EIF3A: variants seen among roughly 807,000 people sequenced by gnomAD.
EIF3A encodes EIF3, p180 subunit.
EIF3A carries 21 observed loss-of-function variants against 186.6 expected under a neutral mutation model. The ratio of observed to expected loss-of-function variants is 0.11; its 90% CI spans 0.08 to 0.16. The LOEUF (loss-of-function observed/expected upper bound fraction) is 0.16. EIF3A is among the 10% of genes least tolerant of loss of function. The pLI is 1.00. For missense variants in EIF3A, 1,306 were observed against 1,796.3 expected (o/e 0.73, Z 4.93); for synonymous variants, 563 against 584.3 (o/e 0.96, Z 0.52).
intron 1 of EIF3A, 66 bp downstream of exon 1, chr10:119,080,562 G>T (rs1374823772): frequency 6.6e-7 from 1 of 1,522,678 alleles, no homozygotes; most frequent in Non-Finnish European, 8.8e-7. Context: ...TGGGAAGCAG[G>T]CCCGCGCTCT....
At chr10:119,079,258 A>C (rs1844224360) in intron 1 of EIF3A, among the ~76,000 whole-genome samples, 1 of 152,126 alleles carries the variant, frequency 6.6e-6, no homozygotes, top group Non-Finnish European at 1.5e-5. Context: ...TAAAACAATT[A>C]CTCCATTCCA....
chr10:119,065,418 A>G lies in EIF3A; in HGVS notation c.1103T>C (p.Ile368Thr), dbSNP rs372394395. Residue 368 changes from isoleucine to threonine, a missense_variant, in exon 7 of 22, where the codon ATT becomes ACT. Around this residue, in one of 8 missense-constraint regions of EIF3A, gnomAD observed 267 missense variants for 367.8 expected, o/e 0.73. Transcript: ENST00000369144. ...LLGLQAPPTR[I>T]GLINDMVRFN... is the part of the protein sequence containing the mutation. ...ACTAACCATATCATTAATAAGGCCA[A>G]TTCGTGTCGGTGGGGCTTGAAGACC... 9.3e-6 allele frequency: 15 copies of G among 1,612,548 alleles called. No individual in the cohort carries two copies. Among genetic ancestry groups the G allele is most frequent in the Non-Finnish European group, 1.3e-5 (15 of 1,179,326 alleles).
rs1380083890 is a variant in EIF3A, at chr10:119,072,015, ACT to A, written c.541+873_541+874del. On this transcript the variant is annotated intron_variant, in intron 4 of 21. Transcript: ENST00000369144. ...ACTCCAGCCTGGGCCACAGAGCAAGACTCTGTCTCAAAAAAAAAAAAAAAAAA... is the reference window on the plus strand; with the variant it reads ...ACTCCAGCCTGGGCCACAGAGCAAGACTGTCTCAAAAAAAAAAAAAAAAAA... 2.3e-3 allele frequency among the ~76,000 whole-genome samples: 232 copies of A among 102,918 alleles called. 1 individual carries two copies. Among genetic ancestry groups the A allele is most frequent in the African/African-American group, 7.8e-3 (220 of 28,224 alleles). 67.5% of individuals were successfully genotyped at this position (102,918 alleles called of 152,430 possible). A position where few individuals can be genotyped will look rare whatever the true frequency, so the allele number is the denominator to read the frequency against.
chr10:119,075,666 A>C (rs1489441244), intron 1 of EIF3A, among the ~76,000 whole-genome samples: 12 of 137,366 alleles, frequency 8.7e-5, no homozygotes, highest in African/African-American at 2.7e-4. Context: ...ATATATATAT[A>C]TCTCCTTTTT....
intron 17 of EIF3A, 36 bp downstream of exon 17, chr10:119,049,765 T>C: frequency 1.3e-6 from 2 of 1,572,096 alleles, no homozygotes; most frequent in South Asian, 1.2e-5. Context: ...AAAAGTCACA[T>C]TAAAACAAAA....
chr10:119,035,338 A>T lies in EIF3A; in HGVS notation c.*701T>A, dbSNP rs1848113358. On this transcript the variant is annotated 3_prime_UTR_variant, in exon 22 of 22. Transcript: ENST00000369144. Reference sequence around the variant, plus strand: ...GGAAAAGCAGTTTGCTATTGGCAACAGAAAAAAACTCAGCGATAATTTACC... The same window carrying T: ...GGAAAAGCAGTTTGCTATTGGCAACTGAAAAAAACTCAGCGATAATTTACC... 6.6e-6 allele frequency: 1 copy of T among 152,608 alleles called. No individual in the cohort carries two copies. Among genetic ancestry groups the T allele is most frequent in the Non-Finnish European group, 1.5e-5 (1 of 68,032 alleles). The allele number at this position is 152,608 out of a possible 1,614,324, so 9.5% of individuals were successfully genotyped here. A position where few individuals can be genotyped will look rare whatever the true frequency, so the allele number is the denominator to read the frequency against.
At chr10:119,057,360 G>A (rs1000287523) in intron 12 of EIF3A, among the ~76,000 whole-genome samples, 8 of 152,202 alleles carry the variant, frequency 5.3e-5, no homozygotes, top group African/African-American at 1.9e-4. Flanking sequence ...GGTGCCACAA[G>A]TGTAAAATTC....
intron 14 of EIF3A, among the ~76,000 whole-genome samples, chr10:119,053,201 T>C (rs532521557): frequency 6.6e-6 from 1 of 152,310 alleles, no homozygotes; most frequent in Non-Finnish European, 1.5e-5. Context: ...TGTTCTTTCA[T>C]GTACAGACCA....
At chr10:119,075,638 C>T (rs1223595945) in intron 1 of EIF3A, among the ~76,000 whole-genome samples, 1 of 56,154 alleles carries the variant, frequency 1.8e-5, no homozygotes, top group Non-Finnish European at 4.3e-5. Flanking sequence ...GAGCTTAAAA[C>T]ACTATATATA....
intron 7 of EIF3A, among the ~76,000 whole-genome samples, chr10:119,062,568 T>C (rs939631623): frequency 1.3e-5 from 2 of 152,136 alleles, no homozygotes; most frequent in Non-Finnish European, 2.9e-5. Context: ...GTGGGCACAA[T>C]GAGGACTCTA....
chr10:119,065,322 T>A (rs1328263336), intron 7 of EIF3A, 77 bp downstream of exon 7: 5 of 1,044,174 alleles, frequency 4.8e-6, no homozygotes, highest in Non-Finnish European at 7.2e-6. Flanking sequence ...GAATTCCCAG[T>A]ATTTAATCAT....
chr10:119,057,682 G>A (rs1000146463), intron 12 of EIF3A, among the ~76,000 whole-genome samples: 1 of 152,156 alleles, frequency 6.6e-6, no homozygotes, highest in African/African-American at 2.4e-5. Flanking sequence ...GGCTGAGGCA[G>A]GAGAATCACT....
chr10:119,077,647 T>C (rs1844199877), intron 1 of EIF3A, among the ~76,000 whole-genome samples: 1 of 151,516 alleles, frequency 6.6e-6, no homozygotes, highest in African/African-American at 2.4e-5. Flanking sequence ...CTCCACCTCC[T>C]GGGTTCATGC....
intron 6 of EIF3A, among the ~76,000 whole-genome samples, chr10:119,066,904 T>C (rs1045085066): frequency 3.3e-5 from 5 of 152,198 alleles, no homozygotes; most frequent in South Asian, 2.1e-4. Flanking sequence ...TGGAAGAACA[T>C]GTTTTTCCTT....
intron 17 of EIF3A, among the ~76,000 whole-genome samples, chr10:119,045,105 C>A (rs1219185999): frequency 6.6e-6 from 1 of 151,738 alleles, no homozygotes; most frequent in Non-Finnish European, 1.5e-5. Context: ...CCTCCATGCC[C>A]GACTAATTTT....
chr10:119,068,236 G>A (rs778217371), intron 6 of EIF3A, among the ~76,000 whole-genome samples: 2 of 152,302 alleles, frequency 1.3e-5, no homozygotes, highest in Non-Finnish European at 2.9e-5. Context: ...TTCTCTGAAC[G>A]TGTGGAGCAC....
chr10:119,076,211 T>C (rs1175935732), intron 1 of EIF3A, among the ~76,000 whole-genome samples: 1 of 150,902 alleles, frequency 6.6e-6, no homozygotes, highest in Admixed American at 6.6e-5. Context: ...TGCACGCCCG[T>C]AATCCTAGCT....
Position 119,075,091 on chromosome 10 carries a change from A to G in EIF3A, c.50-1154T>C, listed in dbSNP as rs1267023032. On this transcript the variant is annotated intron_variant, in intron 1 of 21. Coordinates refer to ENST00000369144, the MANE Select transcript of EIF3A (RefSeq NM_003750.4). Reference sequence around the variant, plus strand: ...ATTCTCCTGCCTCAGCCTCCTGAGTAGCTGGGATTACAGGCACCCACCACA... The same window carrying G: ...ATTCTCCTGCCTCAGCCTCCTGAGTGGCTGGGATTACAGGCACCCACCACA... Among the ~76,000 whole-genome samples, 3 of 147,916 alleles carry G rather than the reference A, an allele frequency of 2.0e-5. No homozygotes were observed. In the Admixed American group the frequency reaches 2.1e-4, roughly 10 times the overall value.
At chr10:119,069,792 G>A (rs952253) in intron 5 of EIF3A, 138 bp from the exon 6 acceptor site, 25,331 of 607,670 alleles carry the variant, frequency 0.042, 1,273 homozygotes, top group African/African-American at 0.19. Context: ...CTTTACTCAT[G>A]TATATCTATT....
Sources: allele counts gnomAD v4.1 joint callset (sites outside exome capture counted in the v4.1 genomes callset), GRCh38; gene constraint gnomAD v4.1.1; regional missense constraint gnomAD v4.1.1; transcripts MANE v1.5; gene names NCBI Gene and HGNC (gene_info 2026-07-23, HGNC 2026-07-21).